The following DTX2 variants were observed in gnomAD, a reference collection of about 807,000 sequenced individuals.
The protein encoded by DTX2 is deltex E3 ubiquitin ligase 2, also known as probable E3 ubiquitin-protein ligase DTX2.
Under a neutral mutation model 55.3 loss-of-function variants are expected in DTX2, and 29 were observed. That is an observed-to-expected ratio of 0.52 (90% confidence interval 0.39 to 0.71). DTX2 has a LOEUF of 0.71. Among genes scored for constraint, DTX2 ranks in the 30% least tolerant of loss-of-function variants. The probability of loss-of-function intolerance (pLI) is 0.00; values close to 1 mark genes in which losing one functional copy is unlikely to be tolerated. For missense variants in DTX2, 537 were observed against 822.5 expected (o/e 0.65, Z 4.25); for synonymous variants, 276 against 340.4 (o/e 0.81, Z 2.08).
Position 76,481,231 on chromosome 7 carries a change from A to G in DTX2, c.268+454A>G, listed in dbSNP as rs1017088801. Among the ~76,000 whole-genome samples, 37 of 151,446 alleles carry G rather than the reference A, an allele frequency of 2.4e-4. No homozygotes were observed. In the East Asian group the frequency reaches 4.5e-3, roughly 18 times the overall value. ...AGACGGAGTCTGGCTCTGTTGCCTA[A>G]ACTGGAGTGCAGTGGCGCAGTCTCG... On this transcript the variant is annotated intron_variant, in intron 3 of 10. Transcript: ENST00000430490.
Position 76,505,846 on chromosome 7 carries a change from G to T in DTX2, c.*245G>T. The T allele has an allele frequency of 1.7e-6, 1 of 597,746 alleles. No individual in the cohort carries two copies. The highest frequency in any genetic ancestry group is 3.0e-6 in the Non-Finnish European group (1 of 335,274). 37.0% of individuals were successfully genotyped at this position (597,746 alleles called of 1,614,324 possible). On this transcript the variant is annotated 3_prime_UTR_variant, in exon 11 of 11. Transcript: ENST00000430490. This position sits in a 1 kb window ranked among gnomAD's most constrained non-coding sequence, Gnocchi z 4.4. Reference sequence around the variant, plus strand: ...GCAGCTACCTCAGTGCGCAGGGCCCGTCTGTCCTCTGGGGGCTGCTTCGGG... The same window carrying T: ...GCAGCTACCTCAGTGCGCAGGGCCCTTCTGTCCTCTGGGGGCTGCTTCGGG...
chr7:76,481,672 G>A (rs1809232958), intron 3 of DTX2, among the ~76,000 whole-genome samples: 1 of 152,072 alleles, frequency 6.6e-6, no homozygotes, highest in African/African-American at 2.4e-5. Context: ...CCTGGCATCT[G>A]GTGGGTGGAG....
chr7:76,491,968 C>G, intron 4 of DTX2, 185 bp from the exon 5 acceptor site: 1 of 571,330 alleles, frequency 1.8e-6, no homozygotes, highest in Non-Finnish European at 3.2e-6. Context: ...AGCCACCACA[C>G]CCCTCCTGAG....
At position 76,468,997 on chromosome 7, in the gene DTX2, T is replaced by A. The variant is rs559936836; in HGVS notation, c.-90+5288T>A. On this transcript the variant is annotated intron_variant, in intron 2 of 10. Transcript: ENST00000430490. ...CCAGGCTGGTCTCAAACTCCTGGCC[T>A]CAAATGATCCACCCACCTCAGCCTC... Among the ~76,000 whole-genome samples, 2 of 115,922 alleles carry A rather than the reference T, an allele frequency of 1.7e-5. 1 individual carries two copies. Among genetic ancestry groups the A allele is most frequent in the African/African-American group, 6.6e-5 (2 of 30,154 alleles). 76.0% of individuals were successfully genotyped at this position (115,922 alleles called of 152,430 possible). A position where few individuals can be genotyped will look rare whatever the true frequency, so the allele number is the denominator to read the frequency against.
chr7:76,474,965 G>A (rs528022047), intron 2 of DTX2: 1 of 152,208 alleles, frequency 6.6e-6, no homozygotes, highest in Admixed American at 6.5e-5. Flanking sequence ...AGGAAAAGCA[G>A]GGTTTGTTTT....
rs1285889907 is a variant in DTX2 at position 76,479,504 on chromosome 7, T to C, written c.-89-917T>C. Among the ~76,000 whole-genome samples the C allele has an allele frequency of 1.8e-5, 2 of 110,730 alleles. 1 individual carries two copies. Among genetic ancestry groups the C allele is most frequent in the Non-Finnish European group, 3.8e-5 (2 of 52,064 alleles). 72.6% of individuals were successfully genotyped at this position (110,730 alleles called of 152,430 possible). On this transcript the variant is annotated intron_variant, in intron 2 of 10. Transcript: ENST00000430490. ...AACCCTGCTCCTTTCCAAGAAATGTTGGGATCTCATCTTCAGGATGGTGGG... is the reference window on the plus strand; with the variant it reads ...AACCCTGCTCCTTTCCAAGAAATGTCGGGATCTCATCTTCAGGATGGTGGG...
At position 76,502,410 on chromosome 7, in the gene DTX2, C is replaced by T; in HGVS notation, c.1343C>T (p.Ala448Val). ...AVGHLTKCSH[A>V]FHLLCLLAMY... ...GGCCACCTCACCAAGTGCAGCCATG[C>T]CTTCCACCTGCTGTGCCTCCTGGCC... The change falls in exon 8 of 11, where the codon GCC becomes GTC. Residue 448 changes from alanine (A) to valine (V), a missense_variant. Physicochemically the swap from Ala to Val is moderately conservative, Grantham distance 64. Coordinates refer to ENST00000430490, the MANE Select transcript of DTX2 (RefSeq NM_001102594.3). 1 of 1,612,762 alleles carries T rather than the reference C, an allele frequency of 6.2e-7. No individual in the cohort carries two copies. The highest frequency in any genetic ancestry group is 8.5e-7 in the Non-Finnish European group (1 of 1,179,968).
At chr7:76,473,251 C>G (rs2116260156) in intron 2 of DTX2, among the ~76,000 whole-genome samples, 1 of 152,038 alleles carries the variant, frequency 6.6e-6, no homozygotes, top group East Asian at 1.9e-4. Context: ...CAAGACATCC[C>G]CCGTGGGTGG....
rs534354999 is a variant in DTX2, at chr7:76,495,699, C to T, written c.1010-1638C>T. On this transcript the variant is annotated intron_variant, in intron 5 of 10. Coordinates refer to ENST00000430490, the MANE Select transcript of DTX2 (RefSeq NM_001102594.3). ...CAGCGGGGTGCTGGAGATGCAGCTACGGGTGGGACCTCGTGGAACTCGTGC... is the reference window on the plus strand; with the variant it reads ...CAGCGGGGTGCTGGAGATGCAGCTATGGGTGGGACCTCGTGGAACTCGTGC... 4.0e-5 allele frequency among the ~76,000 whole-genome samples: 6 copies of T among 150,946 alleles called. No individual in the cohort carries two copies. In the East Asian group the frequency reaches 6.0e-4, roughly 15 times the overall value.
chr7:76,465,241 G>C (rs1309374102), intron 2 of DTX2, among the ~76,000 whole-genome samples: 1 of 146,042 alleles, frequency 6.8e-6, no homozygotes, highest in Non-Finnish European at 1.5e-5. Flanking sequence ...AGAGTCATGG[G>C]GGTGGGGACA....
Position 76,505,984 on chromosome 7 carries a change from T to G in DTX2, c.*383T>G. 3.0e-6 allele frequency: 1 copy of G among 331,140 alleles called. No homozygotes were observed. The highest frequency in any genetic ancestry group is 2.1e-5 in the African/African-American group (1 of 47,288). 20.5% of individuals were successfully genotyped at this position (331,140 alleles called of 1,614,324 possible). On this transcript the variant is annotated 3_prime_UTR_variant, in exon 11 of 11. Coordinates refer to ENST00000430490, the MANE Select transcript of DTX2 (RefSeq NM_001102594.3). The surrounding 1 kb of genome is among the most constrained non-coding windows in gnomAD (Gnocchi z 4.4). ...AATTTTGTTTGCAATAAATGCTCTA[T>G]AGCCAAAGCCAGCAGGTCCTGAGTG...
rs970987923 is a variant in DTX2 at position 76,480,588 on chromosome 7, G to A, written c.79G>A (p.Gly27Arg). The change falls in exon 3 of 11, where the codon GGG becomes AGG. Residue 27 changes from glycine to arginine, a missense_variant. Gly to Arg is a moderately radical substitution (Grantham distance 125). This residue lies in a region of DTX2 where 301 missense variants were observed against 396.6 expected (regional missense o/e 0.76). Transcript: ENST00000430490. ...TGTGGCCGTGTGGGAATGGCAGGAC[G>A]GGCTGGGCACCTGGCACCCCTACAG... ...AAVAVWEWQD[G>R]LGTWHPYSAT... The A allele has an allele frequency of 5.0e-6, 8 of 1,613,026 alleles. No homozygotes were observed. Among genetic ancestry groups the A allele is most frequent in the South Asian group, 2.2e-5 (2 of 91,036 alleles).
chr7:76,501,661 G>T (rs2280611), intron 7 of DTX2, among the ~76,000 whole-genome samples: 1 of 146,344 alleles, frequency 6.8e-6, no homozygotes, highest in African/African-American at 2.5e-5. Context: ...CTGGCTCCTC[G>T]TTCAGAACGT....
chr7:76,486,045 CTG>C (rs1182198700), intron 4 of DTX2, among the ~76,000 whole-genome samples: 1 of 70,480 alleles, frequency 1.4e-5, no homozygotes, highest in Non-Finnish European at 2.5e-5. Flanking sequence ...CCAGCAGGCT[CTG>C]TTAGTGGAAA....
chr7:76,494,959 C>G (rs1799148), intron 5 of DTX2, among the ~76,000 whole-genome samples: 97,180 of 97,236 alleles, frequency 1, 48,564 homozygotes, highest in Middle Eastern at 1. Flanking sequence ...TGCGCACAGG[C>G]TTTTTGCAGA....
chr7:76,463,366 ATTG>A (rs1168075028), intron 1 of DTX2, 176 bp from the exon 2 acceptor site: 1 of 152,254 alleles, frequency 6.6e-6, no homozygotes, highest in African/African-American at 2.4e-5. Flanking sequence ...CATCTCCTTG[ATTG>A]TTAAGTGGGT....
chr7:76,482,384 G>A (rs1563735404), intron 3 of DTX2, 124 bp from the exon 4 acceptor site: 2 of 1,099,172 alleles, frequency 1.8e-6, no homozygotes, highest in Non-Finnish European at 2.6e-6. Flanking sequence ...TAAACAAATA[G>A]CAGCATGACT....
chr7:76,476,022 G>C (rs1026619718), intron 2 of DTX2, among the ~76,000 whole-genome samples: 4 of 26,160 alleles, frequency 1.5e-4, no homozygotes, highest in African/African-American at 6.7e-4. Flanking sequence ...CGCCCGCCTC[G>C]GCCTCCCAAA....
intron 4 of DTX2, among the ~76,000 whole-genome samples, chr7:76,484,601 A>T (rs1374476537): frequency 3.5e-5 from 5 of 142,512 alleles, no homozygotes; most frequent in Non-Finnish European, 7.7e-5. Context: ...CCAGGGAGGA[A>T]ATCATCTCCT....
Sources: allele counts gnomAD v4.1 joint callset (sites outside exome capture counted in the v4.1 genomes callset), GRCh38; gene constraint gnomAD v4.1.1; regional missense constraint gnomAD v4.1.1; non-coding constraint Gnocchi (gnomAD v3.1); transcripts MANE v1.5; gene names NCBI Gene and HGNC (gene_info 2026-07-23, HGNC 2026-07-21).